Variants in UBE2D3 observed in about 807,000 individuals in gnomAD.
The protein encoded by UBE2D3 is ubiquitin-conjugating enzyme E2 D3.
A neutral mutation model predicts 22.8 loss-of-function variants in UBE2D3; 2 were observed. The ratio of observed to expected loss-of-function variants is 0.09; its 90% confidence interval spans 0.04 to 0.28. The LOEUF (loss-of-function observed/expected upper bound fraction) is 0.28, where lower values mean the gene tolerates loss of function less well. UBE2D3 is among the 10% of genes least tolerant of loss of function. UBE2D3 has a pLI of 1.00. For synonymous variants in UBE2D3, 56 were observed against 60.4 expected (o/e 0.93, Z 0.34); for missense variants, 27 against 182.5 (o/e 0.15, Z 4.91).
intron 1 of UBE2D3, among the ~76,000 whole-genome samples, chr4:102,857,319 G>C (rs1732675855): frequency 6.6e-6 from 1 of 152,096 alleles, no homozygotes; most frequent in African/African-American, 2.4e-5. Context: ...TGTTGCTATG[G>C]CCCAAACATA....
At chr4:102,818,867 G>A (rs1729142191) in intron 2 of UBE2D3, among the ~76,000 whole-genome samples, 1 of 152,144 alleles carries the variant, frequency 6.6e-6, no homozygotes, top group African/African-American at 2.4e-5. Flanking sequence ...GGATTTAACA[G>A]TTGATTGTTG....
intron 2 of UBE2D3, 49 bp downstream of exon 2, chr4:102,826,436 G>A (rs767010247): frequency 1.9e-6 from 3 of 1,610,720 alleles, no homozygotes; most frequent in Non-Finnish European, 2.5e-6. Flanking sequence ...CTCTTGGCCC[G>A]AGCCTTCCTT....
intron 1 of UBE2D3, among the ~76,000 whole-genome samples, chr4:102,840,358 A>G (rs1351799713): frequency 2.0e-5 from 3 of 152,268 alleles, no homozygotes; most frequent in Non-Finnish European, 4.4e-5. Context: ...AAAATGTGTT[A>G]CCTATGCACA....
At chr4:102,859,174 G>A (rs925325114) in intron 1 of UBE2D3, among the ~76,000 whole-genome samples, 1 of 151,822 alleles carries the variant, frequency 6.6e-6, no homozygotes, top group Non-Finnish European at 1.5e-5. Flanking sequence ...ACAGCTTTGT[G>A]GGTAAATTAT....
intron 7 of UBE2D3, among the ~76,000 whole-genome samples, chr4:102,799,137 CT>C (rs1725718450): frequency 6.6e-6 from 1 of 151,702 alleles, no homozygotes; most frequent in Non-Finnish European, 1.5e-5. Context: ...GAAAAATTTG[CT>C]TTCTTCCCCA....
chr4:102,849,544 A>G (rs1297951456), intron 1 of UBE2D3, among the ~76,000 whole-genome samples: 1 of 152,172 alleles, frequency 6.6e-6, no homozygotes, highest in Non-Finnish European at 1.5e-5. Context: ...AATCAGTAAG[A>G]AAAAGAATGA....
chr4:102,838,355 T>C (rs547173330), intron 1 of UBE2D3, among the ~76,000 whole-genome samples: 1 of 152,296 alleles, frequency 6.6e-6, no homozygotes, highest in African/African-American at 2.4e-5. Context: ...CTGTGTTCAG[T>C]GATGTTCTTT....
chr4:102,838,076 GC>G (rs1731517514), intron 1 of UBE2D3, among the ~76,000 whole-genome samples: 1 of 152,122 alleles, frequency 6.6e-6, no homozygotes, highest in African/African-American at 2.4e-5. Flanking sequence ...CCATGGTCTT[GC>G]TGCTGCACTC....
At chr4:102,866,740 C>G (rs758468805) in intron 1 of UBE2D3, among the ~76,000 whole-genome samples, 8 of 152,116 alleles carry the variant, frequency 5.3e-5, no homozygotes, top group Non-Finnish European at 1.0e-4. Context: ...CACAGCACGT[C>G]TTGCCCTTGT....
upstream of UBE2D3, chr4:102,827,886 C>G: frequency 1.0e-6 from 1 of 985,666 alleles, no homozygotes; most frequent in Non-Finnish European, 1.2e-6. Context: ...GTAAAGGAAG[C>G]AGCCGCTGCG....
chr4:102,864,145 A>C (rs1282359054), intron 1 of UBE2D3, among the ~76,000 whole-genome samples: 2 of 152,228 alleles, frequency 1.3e-5, no homozygotes, highest in Non-Finnish European at 2.9e-5. Flanking sequence ...ACACAACCTT[A>C]AGATGTAGGT....
intron 2 of UBE2D3, chr4:102,819,725 T>C (rs1163534370): frequency 2.6e-6 from 1 of 386,900 alleles, no homozygotes; most frequent in Non-Finnish European, 3.5e-6. Context: ...ACAAATCATT[T>C]GTTATCCCAA....
At chr4:102,813,324 T>C (rs1728324790) in intron 2 of UBE2D3, among the ~76,000 whole-genome samples, 1 of 152,000 alleles carries the variant, frequency 6.6e-6, no homozygotes, top group Non-Finnish European at 1.5e-5. Context: ...GCAGCTGGAG[T>C]TGCAGGTACG....
intron 5 of UBE2D3, 90 bp from the exon 6 acceptor site, chr4:102,801,649 A>G (rs1031283868): frequency 1.5e-5 from 16 of 1,074,548 alleles, no homozygotes; most frequent in Non-Finnish European, 2.1e-5. Flanking sequence ...AATGTTAAAA[A>G]TGTCATCTAT....
intron 1 of UBE2D3, among the ~76,000 whole-genome samples, chr4:102,861,804 T>C (rs1732912878): frequency 6.6e-6 from 1 of 152,022 alleles, no homozygotes; most frequent in African/African-American, 2.4e-5. Flanking sequence ...AACCATAATC[T>C]TTTGTCTAGT....
intron 2 of UBE2D3, among the ~76,000 whole-genome samples, chr4:102,817,639 C>G (rs890293032): frequency 6.6e-6 from 1 of 152,202 alleles, no homozygotes. Flanking sequence ...CTGCACCAAA[C>G]TATTACTCAA....
At chr4:102,850,612 G>GT (rs1732292074) in intron 1 of UBE2D3, among the ~76,000 whole-genome samples, 1 of 152,162 alleles carries the variant, frequency 6.6e-6, no homozygotes, top group South Asian at 2.1e-4. Flanking sequence ...GAGCAGAAGA[G>GT]TGACTCGGTC....
chr4:102,853,691 G>T (rs1732491250), intron 1 of UBE2D3, among the ~76,000 whole-genome samples: 1 of 152,170 alleles, frequency 6.6e-6, no homozygotes, highest in African/African-American at 2.4e-5. Context: ...ATAGGTGGTG[G>T]TGTTATGAGA....
chr4:102,818,232 C>A (rs1729055965), intron 2 of UBE2D3, among the ~76,000 whole-genome samples: 1 of 152,150 alleles, frequency 6.6e-6, no homozygotes, highest in Non-Finnish European at 1.5e-5. Context: ...CAGGGTACAA[C>A]ACTAAGAAAC....
Sources: allele counts gnomAD v4.1 joint callset (sites outside exome capture counted in the v4.1 genomes callset), GRCh38; gene constraint gnomAD v4.1.1; transcripts MANE v1.5; gene names NCBI Gene and HGNC (gene_info 2026-07-23, HGNC 2026-07-21).